SMYD1: variants seen among roughly 807,000 people sequenced by gnomAD.
SMYD1 encodes histone-lysine N-methyltransferase SMYD1.
In SMYD1, 49 loss-of-function variants were observed where a neutral mutation model predicts 54.0. The ratio of observed to expected loss-of-function variants is 0.91; its 90% confidence interval spans 0.72 to 1.15. SMYD1 has a LOEUF of 1.15. SMYD1 is among the 50% of genes most tolerant of loss of function. The pLI is 0.00. For synonymous variants in SMYD1, 269 were observed against 234.2 expected (o/e 1.15, Z -1.36); for missense variants, 653 against 639.6 (o/e 1.02, Z -0.23).
At chr2:88,077,103 C>T (rs751494926) in intron 1 of SMYD1, among the ~76,000 whole-genome samples, 9 of 152,022 alleles carry the variant, frequency 5.9e-5, no homozygotes, top group Non-Finnish European at 1.2e-4. Flanking sequence ...AAAGACAGAA[C>T]GGTTGAACTG....
intron 2 of SMYD1, among the ~76,000 whole-genome samples, chr2:88,086,479 C>G (rs1177877543): frequency 6.6e-6 from 1 of 152,126 alleles, no homozygotes; most frequent in Non-Finnish European, 1.5e-5. Context: ...GAAGTATACC[C>G]CTTTGTCTCA....
In SMYD1 at chr2:88,108,383, C is replaced by T. The variant is rs759933899; in HGVS notation, c.1158C>T (p.His386=). The T allele has an allele frequency of 6.3e-7, 1 of 1,595,320 alleles. No individual in the cohort carries two copies. Among genetic ancestry groups the T allele is most frequent in the Admixed American group, 1.8e-5 (1 of 56,810 alleles). Residue 386 remains histidine, a synonymous_variant, in exon 9 of 10, where the codon CAC becomes CAT. Transcript: ENST00000419482. The part of the protein sequence containing the change: ...RMVDGYMKLY[H]PNNAQLGMAV... ...TATGCTCCCACAGGAAGCTCTACCACCCCAACAATGCCCAACTGGGCATGG... is the reference window on the plus strand; with the variant it reads ...TATGCTCCCACAGGAAGCTCTACCATCCCAACAATGCCCAACTGGGCATGG...
intron 1 of SMYD1, among the ~76,000 whole-genome samples, chr2:88,075,047 C>T (rs993752601): frequency 2.0e-5 from 3 of 152,106 alleles, no homozygotes; most frequent in Admixed American, 2.0e-4. Flanking sequence ...AGAGAAATTC[C>T]GGAACAATTA....
chr2:88,081,199 G>A (rs550602324), intron 1 of SMYD1, among the ~76,000 whole-genome samples: 33 of 152,096 alleles, frequency 2.2e-4, no homozygotes, highest in African/African-American at 6.5e-4. Flanking sequence ...CACCGCGCCT[G>A]GCCTGGATAT....
In SMYD1 at chr2:88,083,568, C is replaced by G. The variant is rs571896443; in HGVS notation, c.138-748C>G. 5.9e-5 allele frequency among the ~76,000 whole-genome samples: 9 copies of G among 152,292 alleles called. No individual in the cohort carries two copies. The East Asian group carries it at 1.7e-3, about 29-fold the overall frequency. On this transcript the variant is annotated intron_variant, in intron 1 of 9. Coordinates refer to ENST00000419482, the MANE Select transcript of SMYD1 (RefSeq NM_198274.4). ...GAAATCAGTAATCTTGTCATTCTTA[C>G]TGTTGCAAAATGCACAAACTGTGAC...
intron 1 of SMYD1, among the ~76,000 whole-genome samples, chr2:88,075,547 T>C (rs1162151778): frequency 8.6e-6 from 1 of 116,892 alleles, no homozygotes; most frequent in Non-Finnish European, 1.9e-5. Flanking sequence ...TTTTTTTTTT[T>C]TTTTTTTTGA....
Position 88,108,356 on chromosome 2 carries a change from G to A in SMYD1, c.1146-15G>A. Reference sequence around the variant, plus strand: ...TGATTGGTATGATGTATAATTATCTGCTATGCTCCCACAGGAAGCTCTACC... The same window carrying A: ...TGATTGGTATGATGTATAATTATCTACTATGCTCCCACAGGAAGCTCTACC... On this transcript the variant is annotated splice_polypyrimidine_tract_variant and intron_variant, in intron 8 of 9. Coordinates refer to ENST00000419482, the MANE Select transcript of SMYD1 (RefSeq NM_198274.4). The A allele has an allele frequency of 6.4e-7, 1 of 1,562,658 alleles. No homozygotes were observed. The highest frequency in any genetic ancestry group is 1.7e-4 in the Middle Eastern group (1 of 5,850).
chr2:88,090,692 C>T (rs1397331279), intron 3 of SMYD1, among the ~76,000 whole-genome samples: 2 of 152,106 alleles, frequency 1.3e-5, no homozygotes, highest in African/African-American at 4.8e-5. Context: ...AAAACCAAGA[C>T]AGAGACTGAG....
chr2:88,081,834 C>T (rs2919876), intron 1 of SMYD1, among the ~76,000 whole-genome samples: 123,960 of 152,102 alleles, frequency 0.81, 50,864 homozygotes, highest in East Asian at 1. Context: ...CTGAATAGCA[C>T]ACTCTGTTCT....
At chr2:88,103,176 TG>T (rs767413800) in intron 7 of SMYD1, 26 bp downstream of exon 7, 32 of 1,556,194 alleles carry the variant, frequency 2.1e-5, no homozygotes, top group Non-Finnish European at 8.7e-7. Flanking sequence ...TTATAGAGGA[TG>T]GGGGTAGAAA....
At chr2:88,085,804 T>A (rs888513404) in intron 2 of SMYD1, among the ~76,000 whole-genome samples, 1 of 152,216 alleles carries the variant, frequency 6.6e-6, no homozygotes, top group Non-Finnish European at 1.5e-5. Flanking sequence ...TCCAGGCACC[T>A]GGAGTCCCAT....
chr2:88,093,352 CTG>C (rs1395913035), intron 4 of SMYD1, among the ~76,000 whole-genome samples, 163 bp from the exon 5 acceptor site: 2 of 152,190 alleles, frequency 1.3e-5, no homozygotes, highest in African/African-American at 2.4e-5. Context: ...CTATACTAGG[CTG>C]TGTCTTGTCC....
At chr2:88,073,840 G>T (rs1447629492) in intron 1 of SMYD1, among the ~76,000 whole-genome samples, 1 of 152,160 alleles carries the variant, frequency 6.6e-6, no homozygotes, top group Non-Finnish European at 1.5e-5. Context: ...TTAGAGAAGT[G>T]AAAGTTTTTT....
At chr2:88,104,009 C>T (rs909970325) in intron 7 of SMYD1, among the ~76,000 whole-genome samples, 6 of 151,646 alleles carry the variant, frequency 4.0e-5, no homozygotes, top group African/African-American at 1.2e-4. Context: ...CTCTGTCACC[C>T]AGGCTGGAGT....
At chr2:88,083,815 G>A (rs1158690415) in intron 1 of SMYD1, among the ~76,000 whole-genome samples, 8 of 152,192 alleles carry the variant, frequency 5.3e-5, no homozygotes, top group African/African-American at 1.7e-4. Context: ...ATATTTGGTA[G>A]GCCAGGCGCG....
chr2:88,078,414 C>G (rs1674116753), intron 1 of SMYD1, among the ~76,000 whole-genome samples: 1 of 152,108 alleles, frequency 6.6e-6, no homozygotes, highest in Non-Finnish European at 1.5e-5. Flanking sequence ...TGTTGCTATT[C>G]CCATTTTCAC....
At chr2:88,110,215 G>GTGTGTGTA (rs1283657354) in intron 9 of SMYD1, 139 bp from the exon 10 acceptor site, 17 of 804,860 alleles carry the variant, frequency 2.1e-5, no homozygotes, top group Non-Finnish European at 3.3e-5. Flanking sequence ...GTGTGTGTGT[G>GTGTGTGTA]TGTGTGTGTG....
intron 8 of SMYD1, among the ~76,000 whole-genome samples, chr2:88,107,528 A>G (rs1394877993): frequency 6.6e-6 from 1 of 152,184 alleles, no homozygotes; most frequent in Non-Finnish European, 1.5e-5. Context: ...TCCTGTGCTC[A>G]AGCTCAGATA....
intron 7 of SMYD1, among the ~76,000 whole-genome samples, chr2:88,104,277 T>A (rs973173061): frequency 9.2e-5 from 14 of 152,200 alleles, no homozygotes; most frequent in Non-Finnish European, 1.9e-4. Context: ...CATTTCTATT[T>A]CTATTTCCCT....
Sources: allele counts gnomAD v4.1 joint callset (sites outside exome capture counted in the v4.1 genomes callset), GRCh38; gene constraint gnomAD v4.1.1; transcripts MANE v1.5; gene names NCBI Gene and HGNC (gene_info 2026-07-23, HGNC 2026-07-21).